CHIC1: variants seen among roughly 807,000 people sequenced by gnomAD.
The protein encoded by CHIC1 is cysteine-rich hydrophobic domain-containing protein 1.
CHIC1 carries 7 observed loss-of-function variants against 18.5 expected under a neutral mutation model. That is an observed-to-expected ratio of 0.38 (90% confidence interval 0.22 to 0.71). CHIC1 has a LOEUF of 0.71. Among genes scored for constraint, CHIC1 ranks in the 30% least tolerant of loss-of-function variants. The pLI is 0.49. For missense variants in CHIC1, 159 were observed against 176.9 expected, an observed-to-expected ratio of 0.90 and a Z score of 0.57; for synonymous variants, 77 against 73.5, an observed-to-expected ratio of 1.05 and a Z score of -0.25.
At chrX:73,567,245 C>T (rs181272646) in intron 1 of CHIC1, among the ~76,000 whole-genome samples, 2 of 110,504 alleles carry the variant, frequency 1.8e-5, no homozygotes, top group Non-Finnish European at 3.8e-5. Context: ...CCAGTCTCTG[C>T]GTGGGCTCTT....
intron 3 of CHIC1, among the ~76,000 whole-genome samples, chrX:73,650,369 A>G (rs1022096047): frequency 9.9e-5 from 11 of 110,979 alleles, no homozygotes; most frequent in Non-Finnish European, 1.9e-4. Context: ...ACACAAAAAA[A>G]CCCTCCAAAA....
intron 3 of CHIC1, among the ~76,000 whole-genome samples, chrX:73,609,335 G>A (rs769956253): frequency 9.2e-5 from 10 of 108,570 alleles, no homozygotes; most frequent in Non-Finnish European, 1.9e-4. Context: ...GATTAGCTGT[G>A]TATTTTTCAT....
chrX:73,648,946 A>G (rs2057902620), intron 3 of CHIC1, among the ~76,000 whole-genome samples: 1 of 111,893 alleles, frequency 8.9e-6, no homozygotes, highest in Non-Finnish European at 1.9e-5. Context: ...AGGCAGCCAG[A>G]GAGAAAGGTC....
At chrX:73,652,938 A>G (rs1239943602) in intron 3 of CHIC1, among the ~76,000 whole-genome samples, 2 of 112,158 alleles carry the variant, frequency 1.8e-5, no homozygotes, top group African/African-American at 6.5e-5. Context: ...ACATATGTTT[A>G]TTGCAGTACT....
In CHIC1 at chrX:73,648,203, C is replaced by T. The variant is rs142455607; in HGVS notation, c.508-31123C>T. On this transcript the variant is annotated intron_variant, in intron 3 of 5. Transcript: ENST00000373502. The stretch of plus-strand genomic sequence containing the variant: ...AAGTACCAACAAAAACCCCAAGGGA[C>T]AGCAGCTCCAAAAATCAAAACTTAA... 6.3e-3 allele frequency among the ~76,000 whole-genome samples: 667 copies of T among 106,499 alleles called. 8 individuals carry two copies. Among genetic ancestry groups the T allele is most frequent in the African/African-American group, 0.021 (628 of 30,023 alleles). 92.5% of individuals were successfully genotyped at this position (106,499 alleles called of 115,157 possible).
At chrX:73,660,831 C>T (rs962450722) in intron 3 of CHIC1, among the ~76,000 whole-genome samples, 5 of 111,900 alleles carry the variant, frequency 4.5e-5, no homozygotes, top group African/African-American at 1.6e-4. Context: ...ATTTGGACCA[C>T]ACCATACATT....
intron 2 of CHIC1, 145 bp downstream of exon 2, chrX:73,577,606 G>T: frequency 2.5e-6 from 1 of 401,068 alleles, no homozygotes; most frequent in South Asian, 7.2e-5. Context: ...TATAGTGTTT[G>T]AAAGCTGTTG....
intron 3 of CHIC1, among the ~76,000 whole-genome samples, chrX:73,627,180 G>A (rs968843382): frequency 9.5e-6 from 1 of 105,409 alleles, no homozygotes; most frequent in Non-Finnish European, 1.9e-5. Context: ...TCTCTGTTCT[G>A]AGCCATCTAA....
At chrX:73,659,734 G>A (rs765336474) in intron 3 of CHIC1, among the ~76,000 whole-genome samples, 1 of 111,474 alleles carries the variant, frequency 9.0e-6, no homozygotes, top group East Asian at 2.8e-4. Context: ...ACTGATCAGT[G>A]TGATTATGAA....
chrX:73,582,472 T>C (rs1037925120), intron 2 of CHIC1, among the ~76,000 whole-genome samples: 2 of 110,208 alleles, frequency 1.8e-5, no homozygotes, highest in African/African-American at 6.6e-5. Flanking sequence ...GATTTTTCTT[T>C]TTTTTTTGCT....
intron 1 of CHIC1, among the ~76,000 whole-genome samples, chrX:73,565,897 C>T (rs908507049): frequency 9.0e-6 from 1 of 110,908 alleles, no homozygotes; most frequent in Non-Finnish European, 1.9e-5. Context: ...GTGCAGCCTT[C>T]TGTTGTATAG....
chrX:73,593,011 G>A (rs890354286), intron 3 of CHIC1, among the ~76,000 whole-genome samples: 2 of 110,458 alleles, frequency 1.8e-5, no homozygotes, highest in African/African-American at 6.6e-5. Context: ...TCATAATAAT[G>A]TCTGAGGATC....
intron 3 of CHIC1, among the ~76,000 whole-genome samples, chrX:73,630,684 T>C (rs2057802931): frequency 9.0e-6 from 1 of 110,893 alleles, no homozygotes. Context: ...TTCAGGGATA[T>C]TGGCCTATAA....
Position 73,681,151 on chromosome X carries a change from A to G in CHIC1, c.*146A>G, listed in dbSNP as rs1304771317. 4 of 430,810 alleles carry G rather than the reference A, an allele frequency of 9.3e-6. No homozygotes were observed. The highest frequency in any genetic ancestry group is 5.1e-5 in the Admixed American group (1 of 19,494). 35.5% of individuals were successfully genotyped at this position (430,810 alleles called of 1,213,427 possible). A position where few individuals can be genotyped will look rare whatever the true frequency, so the allele number is the denominator to read the frequency against. On this transcript the variant is annotated 3_prime_UTR_variant, in exon 6 of 6. Coordinates refer to ENST00000373502, the MANE Select transcript of CHIC1 (RefSeq NM_001039840.4). ...TCTTCTCGCTCTTTTGTGTTGGTTTATGAAGAAAATTTGCACATCTTTTTT... is the reference window on the plus strand; with the variant it reads ...TCTTCTCGCTCTTTTGTGTTGGTTTGTGAAGAAAATTTGCACATCTTTTTT...
At chrX:73,634,303 T>C (rs1369874193) in intron 3 of CHIC1, among the ~76,000 whole-genome samples, 1 of 112,716 alleles carries the variant, frequency 8.9e-6, no homozygotes, top group African/African-American at 3.2e-5. Context: ...TAGGATTGTG[T>C]GCCTTTACTC....
At chrX:73,654,690 T>G (rs2057933409) in intron 3 of CHIC1, among the ~76,000 whole-genome samples, 1 of 112,055 alleles carries the variant, frequency 8.9e-6, no homozygotes, top group Non-Finnish European at 1.9e-5. Flanking sequence ...GATGTTTTAT[T>G]GGTGAATGAA....
chrX:73,572,604 T>C (rs1569499741), intron 1 of CHIC1, among the ~76,000 whole-genome samples: 1 of 111,440 alleles, frequency 9.0e-6, no homozygotes, highest in Non-Finnish European at 1.9e-5. Flanking sequence ...TCCTCTTTTC[T>C]CAGCAGCCCC....
rs1021286053 is a variant in CHIC1 at position 73,610,193 on chromosome X, G to A, written c.507+25621G>A. ...CAAAATGGCCTCCATTTCCATCCAC[G>A]TTGCTGCAAATGCATTTCATTTTTT... On this transcript the variant is annotated intron_variant, in intron 3 of 5. Coordinates refer to ENST00000373502, the MANE Select transcript of CHIC1 (RefSeq NM_001039840.4). 6.4e-5 allele frequency among the ~76,000 whole-genome samples: 7 copies of A among 109,025 alleles called. No homozygotes were observed. In the East Asian group the frequency reaches 1.7e-3, roughly 27 times the overall value. 94.7% of individuals were successfully genotyped at this position (109,025 alleles called of 115,157 possible). A position where few individuals can be genotyped will look rare whatever the true frequency, so the allele number is the denominator to read the frequency against.
rs114156335 is a variant in CHIC1, at chrX:73,613,252, T to G, written c.507+28680T>G. 3.6e-3 allele frequency among the ~76,000 whole-genome samples: 398 copies of G among 111,757 alleles called. 1 individual carries two copies. Among genetic ancestry groups the G allele is most frequent in the African/African-American group, 0.012 (379 of 30,775 alleles). On this transcript the variant is annotated intron_variant, in intron 3 of 5. Coordinates refer to ENST00000373502, the MANE Select transcript of CHIC1 (RefSeq NM_001039840.4). ...AGTTGGTTCTATAATTTGATTTCTT[T>G]GTTTCCTCCAAATCTCATGTTGAAA...
Sources: gnomAD v4.1 joint callset for allele counts (sites outside exome capture counted in the v4.1 genomes callset) on GRCh38, gnomAD v4.1.1 for gene constraint, MANE v1.5 for transcripts, NCBI Gene and HGNC (gene_info 2026-07-23, HGNC 2026-07-21) for gene names.